Variants in GLO1 observed in about 807,000 individuals in gnomAD.
GLO1 encodes the protein lactoylglutathione lyase.
GLO1 carries 28 observed loss-of-function variants against 26.0 expected under a neutral mutation model. The observed-to-expected ratio is 1.08, with a 90% CI of 0.80 to 1.48. GLO1 has a LOEUF of 1.48. Among genes scored for constraint, GLO1 ranks in the 40% most tolerant of loss-of-function variants. The pLI, the probability that GLO1 is intolerant of heterozygous loss-of-function variation, is 0.00. For missense variants in GLO1, 225 were observed against 224.8 expected, an observed-to-expected ratio of 1.00 and a Z score of -0.01; for synonymous variants, 78 against 77.6, an observed-to-expected ratio of 1.00 and a Z score of -0.03.
intron 1 of GLO1, among the ~76,000 whole-genome samples, chr6:38,696,258 C>T (rs1761609932): frequency 6.6e-6 from 1 of 151,346 alleles, no homozygotes; most frequent in Admixed American, 6.6e-5. Flanking sequence ...TTTCTCCCTA[C>T]AAAATCTCAA....
chr6:38,681,997 A>G lies in GLO1; in HGVS notation c.466+15T>C. ...AACTAAAGACAGGCCTGAACACAGT[A>G]AGTAGTAGACTCACCATCATCAGGT... On this transcript the variant is annotated intron_variant, in intron 5 of 5. Transcript: ENST00000373365. 1 of 1,270,124 alleles carries G rather than the reference A, an allele frequency of 7.9e-7. No individual in the cohort carries two copies. 78.7% of individuals were successfully genotyped at this position (1,270,124 alleles called of 1,614,324 possible).
chr6:38,678,279 A>G (rs1761297532), intron 5 of GLO1, among the ~76,000 whole-genome samples: 3 of 152,060 alleles, frequency 2.0e-5, no homozygotes, highest in Admixed American at 2.0e-4. Context: ...TCAATCCTAG[A>G]GGAACATAGA....
chr6:38,693,681 CTCTCTATATATATA>C (rs1236927833), intron 1 of GLO1, among the ~76,000 whole-genome samples: 6 of 94,370 alleles, frequency 6.4e-5, no homozygotes, highest in Non-Finnish European at 1.2e-4. Flanking sequence ...CTCTCTCTCT[CTCTCTATATATATA>C]TATATATATA....
intron 1 of GLO1, among the ~76,000 whole-genome samples, chr6:38,694,811 G>A (rs751090008): frequency 2.0e-5 from 3 of 152,102 alleles, no homozygotes; most frequent in Non-Finnish European, 4.4e-5. Context: ...TATGATTACT[G>A]TGTCATCTTG....
chr6:38,701,023 C>T (rs956101093), intron 1 of GLO1, among the ~76,000 whole-genome samples: 2 of 152,172 alleles, frequency 1.3e-5, no homozygotes, highest in African/African-American at 2.4e-5. Context: ...AGGTGATCTG[C>T]CCACCTCGCT....
In GLO1 at chr6:38,686,975, C is replaced by T. The variant is rs749861545; in HGVS notation, c.85-1G>A. 2 of 1,595,188 alleles carry T rather than the reference C, an allele frequency of 1.3e-6. No individual in the cohort carries two copies. The highest frequency in any genetic ancestry group is 1.7e-6 in the Non-Finnish European group (2 of 1,166,682). ...GCATGGTCTGCTGCAATAGAAAATC[C>T]TATGGAAAAATATTTATATTAAACA... On this transcript the variant is annotated splice_acceptor_variant, in intron 1 of 5. Transcript: ENST00000373365. LOFTEE classifies it high-confidence loss of function.
intron 1 of GLO1, among the ~76,000 whole-genome samples, chr6:38,699,768 C>G (rs1037976242): frequency 2.6e-5 from 4 of 152,046 alleles, no homozygotes; most frequent in Non-Finnish European, 5.9e-5. Flanking sequence ...GTGGTCAGAC[C>G]GCTTCTCTGC....
intron 1 of GLO1, among the ~76,000 whole-genome samples, chr6:38,699,375 T>C (rs1476282916): frequency 1.3e-5 from 2 of 152,118 alleles, no homozygotes; most frequent in Non-Finnish European, 2.9e-5. Context: ...CTGTACAAAT[T>C]GATTGTAAAA....
Position 38,682,897 on chromosome 6 carries a change from A to G in GLO1, c.309-22T>C, listed in dbSNP as rs374194233. On this transcript the variant is annotated intron_variant, in intron 3 of 5. Coordinates refer to ENST00000373365, the MANE Select transcript of GLO1 (RefSeq NM_006708.3). Reference sequence around the variant, plus strand: ...ATTGCTACAAAAGGAAGGAAAACATAGCTACAATGTCCTAGGGAATAGATA... The same window carrying G: ...ATTGCTACAAAAGGAAGGAAAACATGGCTACAATGTCCTAGGGAATAGATA... The G allele has an allele frequency of 1.9e-4, 261 of 1,369,086 alleles. 1 individual carries two copies. In the South Asian group the frequency reaches 2.8e-3, roughly 15 times the overall value. The allele number at this position is 1,369,086 out of a possible 1,614,324, so 84.8% of individuals were successfully genotyped here. A position where few individuals can be genotyped will look rare whatever the true frequency, so the allele number is the denominator to read the frequency against.
chr6:38,695,549 A>C (rs1270335815), intron 1 of GLO1, among the ~76,000 whole-genome samples: 1 of 151,954 alleles, frequency 6.6e-6, no homozygotes, highest in African/African-American at 2.4e-5. Flanking sequence ...TAGGTTCCTC[A>C]TGTGTCTCCA....
chr6:38,697,662 G>T (rs1028478284), intron 1 of GLO1, among the ~76,000 whole-genome samples: 1 of 152,134 alleles, frequency 6.6e-6, no homozygotes, highest in Non-Finnish European at 1.5e-5. Flanking sequence ...TTGTTTTCTG[G>T]GAAACTAGGG....
In GLO1 at chr6:38,682,723, T is replaced by C. The variant is rs144044967; in HGVS notation, c.376+85A>G. On this transcript the variant is annotated intron_variant, in intron 4 of 5. Coordinates refer to ENST00000373365, the MANE Select transcript of GLO1 (RefSeq NM_006708.3). ...ATCATACTTAATTAGGACATTAATG[T>C]TTTAGGTTTATTAAAATCATAATTA... 83 of 704,472 alleles carry C rather than the reference T, an allele frequency of 1.2e-4. No individual in the cohort carries two copies. In the East Asian group the frequency reaches 2.1e-3, roughly 17 times the overall value. The allele number at this position is 704,472 out of a possible 1,614,324, so 43.6% of individuals were successfully genotyped here. A position where few individuals can be genotyped will look rare whatever the true frequency, so the allele number is the denominator to read the frequency against.
chr6:38,688,544 G>T (rs1761487530), intron 1 of GLO1, among the ~76,000 whole-genome samples: 1 of 152,198 alleles, frequency 6.6e-6, no homozygotes, highest in Non-Finnish European at 1.5e-5. Flanking sequence ...GCTAATATGA[G>T]TGGTAGCTGC....
intron 5 of GLO1, among the ~76,000 whole-genome samples, chr6:38,678,316 G>GAGAGAA (rs148661388): frequency 0.2 from 29,187 of 147,028 alleles, 3,522 homozygotes; most frequent in Non-Finnish European, 0.28. Flanking sequence ...AAGAAAGAAA[G>GAGAGAA]AGAGAAAGAG....
Position 38,703,022 on chromosome 6 carries a change from G to A in GLO1, c.33C>T (p.Leu11=). 1 of 1,593,388 alleles carries A rather than the reference G, an allele frequency of 6.3e-7. No individual in the cohort carries two copies. Among genetic ancestry groups the A allele is most frequent in the Non-Finnish European group, 8.6e-7 (1 of 1,167,186 alleles). ...AGCAACTGAGGGCGGCCTCGTCCGTGAGGCCGCCGGACGGGGGCTGCGGTT... is the reference window on the plus strand; with the variant it reads ...AGCAACTGAGGGCGGCCTCGTCCGTAAGGCCGCCGGACGGGGGCTGCGGTT... MAEPQPPSGG[L]TDEAALSCCS... Residue 11 remains leucine, a synonymous_variant, in exon 1 of 6, where the codon CTC becomes CTT. Transcript: ENST00000373365.
At chr6:38,694,995 G>A (rs369591394) in intron 1 of GLO1, among the ~76,000 whole-genome samples, 60 of 152,160 alleles carry the variant, frequency 3.9e-4, no homozygotes, top group African/African-American at 1.4e-3. Flanking sequence ...CTATCATATT[G>A]GAAGTGAGTT....
rs1761286986 is a variant in GLO1, at chr6:38,677,941, T to C, written c.467-558A>G. On this transcript the variant is annotated intron_variant, in intron 5 of 5. Coordinates refer to ENST00000373365, the MANE Select transcript of GLO1 (RefSeq NM_006708.3). ...GTATCAGGCATTTGCCTCACCTTCA[T>C]GATACCACACTACCAGTTCAGTAGT... Among the ~76,000 whole-genome samples, 3 of 152,284 alleles carry C rather than the reference T, an allele frequency of 2.0e-5. No homozygotes were observed. In the South Asian group the frequency reaches 6.2e-4, roughly 32 times the overall value.
chr6:38,699,768 C>T (rs1037976242), intron 1 of GLO1, among the ~76,000 whole-genome samples: 5 of 152,046 alleles, frequency 3.3e-5, no homozygotes, highest in East Asian at 1.9e-4. Flanking sequence ...GTGGTCAGAC[C>T]GCTTCTCTGC....
rs950024836 is a variant in GLO1 at position 38,687,150 on chromosome 6, A to C, written c.85-176T>G. On this transcript the variant is annotated intron_variant, in intron 1 of 5. Coordinates refer to ENST00000373365, the MANE Select transcript of GLO1 (RefSeq NM_006708.3). ...AGGCCCCTGTGTGATGCAAGTCCAA[A>C]GTGTCAGAAAGTTTCCACTGCAGGA... 4 of 969,036 alleles carry C rather than the reference A, an allele frequency of 4.1e-6. No homozygotes were observed. The African/African-American group carries it at 7.0e-5, about 17-fold the overall frequency. 60.0% of individuals were successfully genotyped at this position (969,036 alleles called of 1,614,324 possible). A position where few individuals can be genotyped will look rare whatever the true frequency, so the allele number is the denominator to read the frequency against.
Sources: gnomAD v4.1 joint callset for allele counts (sites outside exome capture counted in the v4.1 genomes callset) on GRCh38, gnomAD v4.1.1 for gene constraint, MANE v1.5 for transcripts, NCBI Gene and HGNC (gene_info 2026-07-23, HGNC 2026-07-21) for gene names.